FILIP1: variants seen among roughly 807,000 people sequenced by gnomAD.
FILIP1 encodes the protein filamin-A-interacting protein 1.
FILIP1 carries 61 observed loss-of-function variants against 102.1 expected under a neutral mutation model. The ratio of observed to expected loss-of-function variants is 0.60; its 90% CI spans 0.49 to 0.74. The LOEUF is 0.74. Ranked by LOEUF, FILIP1 falls within the 30% of genes least tolerant of loss-of-function variation. The pLI, the probability that FILIP1 is intolerant of heterozygous loss-of-function variation, is 0.00. For missense variants in FILIP1, 1,314 were observed against 1,441.2 expected, an observed-to-expected ratio of 0.91 and a Z score of 1.43; for synonymous variants, 491 against 526.9, an observed-to-expected ratio of 0.93 and a Z score of 0.93.
chr6:75,356,213 C>T (rs552177715), intron 3 of FILIP1, among the ~76,000 whole-genome samples: 19 of 152,298 alleles, frequency 1.2e-4, no homozygotes, highest in Non-Finnish European at 2.5e-4. Flanking sequence ...TTTCTGTTTG[C>T]CCTTCAGTTA....
chr6:75,318,925 C>A (rs536743926), intron 4 of FILIP1, among the ~76,000 whole-genome samples: 2 of 152,116 alleles, frequency 1.3e-5, no homozygotes, highest in East Asian at 3.9e-4. Flanking sequence ...TTTAAAAAAT[C>A]TTACACAGCT....
At chr6:75,347,573 A>T (rs1355908890) in intron 4 of FILIP1, among the ~76,000 whole-genome samples, 2 of 152,212 alleles carry the variant, frequency 1.3e-5, no homozygotes, top group African/African-American at 4.8e-5. Context: ...TGCTTTTGAG[A>T]TATGGCCACT....
chr6:75,418,261 A>C (rs563927290), intron 1 of FILIP1, among the ~76,000 whole-genome samples: 9 of 152,334 alleles, frequency 5.9e-5, no homozygotes, highest in East Asian at 5.8e-4. Context: ...AATTTGAGAA[A>C]TCCATATATA....
At chr6:75,452,081 G>A (rs1044352620) in intron 1 of FILIP1, among the ~76,000 whole-genome samples, 4 of 147,208 alleles carry the variant, frequency 2.7e-5, no homozygotes, top group Non-Finnish European at 5.9e-5. Context: ...GGAATTTATT[G>A]ACAAGGATTT....
intron 1 of FILIP1, among the ~76,000 whole-genome samples, chr6:75,472,976 C>G (rs1281402177): frequency 6.6e-6 from 1 of 152,150 alleles, no homozygotes; most frequent in Non-Finnish European, 1.5e-5. Flanking sequence ...TTTTACTTTT[C>G]TCTTCTCATC....
chr6:75,456,235 A>T (rs1264730538), intron 1 of FILIP1, among the ~76,000 whole-genome samples: 1 of 152,202 alleles, frequency 6.6e-6, no homozygotes, highest in African/African-American at 2.4e-5. Context: ...AAAGCCAGAG[A>T]TTCCACTAAA....
At chr6:75,329,994 C>T (rs1172387468) in intron 4 of FILIP1, among the ~76,000 whole-genome samples, 1 of 151,904 alleles carries the variant, frequency 6.6e-6, no homozygotes. Context: ...TATAGTTATC[C>T]AGAATTAAGG....
intron 2 of FILIP1, among the ~76,000 whole-genome samples, chr6:75,399,915 CT>C (rs1776595426): frequency 1.3e-5 from 2 of 152,122 alleles, no homozygotes; most frequent in Non-Finnish European, 2.9e-5. Flanking sequence ...TCTTCATATG[CT>C]TTTTTTGAAA....
intron 1 of FILIP1, among the ~76,000 whole-genome samples, chr6:75,438,978 G>T (rs1480083997): frequency 2.0e-5 from 3 of 152,296 alleles, no homozygotes; most frequent in Admixed American, 6.5e-5. Context: ...AGAGACAGGG[G>T]TTACAAACAG....
Position 75,370,569 on chromosome 6 carries a change from C to CTTTT in FILIP1, c.277-7656_277-7653dup, listed in dbSNP as rs61384517. 6.7e-3 allele frequency among the ~76,000 whole-genome samples: 504 copies of CTTTT among 75,682 alleles called. 21 individuals carry two copies. The highest frequency in any genetic ancestry group is 0.022 in the African/African-American group (371 of 17,178). The allele number at this position is 75,682 out of a possible 152,430, so 49.7% of individuals were successfully genotyped here. A position where few individuals can be genotyped will look rare whatever the true frequency, so the allele number is the denominator to read the frequency against. ...TTTGTCTGTAATTTGGGAGTCTCTT[C>CTTTT]TTTTTTTTTTTTTTTTTTTTTTTTG... On this transcript the variant is annotated intron_variant, in intron 2 of 5. Transcript: ENST00000237172.
At chr6:75,408,076 C>T (rs534317043) in intron 2 of FILIP1, among the ~76,000 whole-genome samples, 34 of 152,220 alleles carry the variant, frequency 2.2e-4, no homozygotes, top group African/African-American at 7.9e-4. Context: ...GGCCGGGGTA[C>T]TATTTTATTA....
chr6:75,362,963 C>T lies in FILIP1; in HGVS notation c.277-46G>A, dbSNP rs114847282. 6.0e-4 allele frequency: 942 copies of T among 1,579,814 alleles called. 7 individuals carry two copies. The African/African-American group carries it at 0.011, about 18-fold the overall frequency. On this transcript the variant is annotated intron_variant, in intron 2 of 5. Transcript: ENST00000237172. The stretch of plus-strand genomic sequence containing the variant: ...AGATCAGACGACTGACAATGTAAAT[C>T]GCATACTGGGCTCAAAAAATCAACA...
At chr6:75,309,030 A>C in intron 5 of FILIP1, 133 bp from the exon 6 acceptor site, 1 of 915,896 alleles carries the variant, frequency 1.1e-6, no homozygotes. Context: ...AGATAAAATA[A>C]TTGTGAGAAA....
intron 2 of FILIP1, among the ~76,000 whole-genome samples, chr6:75,363,198 G>T (rs570949045): frequency 6.6e-6 from 1 of 152,154 alleles, no homozygotes; most frequent in East Asian, 1.9e-4. Flanking sequence ...TTTGGGATGG[G>T]GTGGGGGAGG....
At chr6:75,322,477 AT>A (rs1194113136) in intron 4 of FILIP1, among the ~76,000 whole-genome samples, 1 of 152,206 alleles carries the variant, frequency 6.6e-6, no homozygotes, top group Non-Finnish European at 1.5e-5. Flanking sequence ...GACTAAAAAA[AT>A]AAATTAGTAC....
intron 4 of FILIP1, among the ~76,000 whole-genome samples, chr6:75,347,946 A>G (rs986965877): frequency 1.2e-4 from 19 of 152,184 alleles, no homozygotes; most frequent in African/African-American, 4.6e-4. Flanking sequence ...GGCTTGCTGC[A>G]ATATTATATG....
At chr6:75,450,916 T>C (rs1778609809) in intron 1 of FILIP1, among the ~76,000 whole-genome samples, 1 of 151,266 alleles carries the variant, frequency 6.6e-6, no homozygotes, top group Non-Finnish European at 1.5e-5. Flanking sequence ...GATTGCGCCA[T>C]TGCACTCCAG....
chr6:75,292,400 A>T (rs1391804997), exon 7 of FILIP1: 1 of 152,266 alleles, frequency 6.6e-6, no homozygotes, highest in African/African-American at 2.4e-5. Flanking sequence ...AAGCAAATGT[A>T]TCACGTTATG....
Position 75,313,392 on chromosome 6 carries a change from C to T in FILIP1, c.2440G>A (p.Ala814Thr), listed in dbSNP as rs1044004957. Residue 814 changes from alanine (A) to threonine (T), a missense_variant, in exon 5 of 6, where the codon GCA (alanine) becomes ACA (threonine). This residue lies in a region of FILIP1 where 816 missense variants were observed against 913.1 expected (regional missense o/e 0.89). Coordinates refer to ENST00000237172, the MANE Select transcript of FILIP1 (RefSeq NM_015687.5). The surrounding 1 kb of genome is among the most constrained non-coding windows in gnomAD (Gnocchi z 4.2). ...GVQTDAVSGE[A>T]AEEETPAVFI... ...ACAGCTGGCGTTTCTTCCTCTGCTG[C>T]TTCACCGCTGACTGCATCAGTTTGG... is the stretch of plus-strand genomic sequence containing the variant. 6.2e-6 allele frequency: 10 copies of T among 1,614,226 alleles called. No individual in the cohort carries two copies. Among genetic ancestry groups the T allele is most frequent in the Non-Finnish European group, 8.5e-6 (10 of 1,180,052 alleles).
Sources: allele counts gnomAD v4.1 joint callset (sites outside exome capture counted in the v4.1 genomes callset), GRCh38; gene constraint gnomAD v4.1.1; regional missense constraint gnomAD v4.1.1; non-coding constraint Gnocchi (gnomAD v3.1); transcripts MANE v1.5; gene names NCBI Gene and HGNC (gene_info 2026-07-23, HGNC 2026-07-21).